PRDM16: variants seen among roughly 807,000 people sequenced by gnomAD.
PRDM16 encodes the protein histone-lysine N-methyltransferase PRDM16.
Under a neutral mutation model 110.6 loss-of-function variants are expected in PRDM16, and 23 were observed. The observed-to-expected ratio is 0.21, with a 90% confidence interval of 0.15 to 0.29. The LOEUF is 0.29. PRDM16 is among the 10% of genes least tolerant of loss of function. The probability of loss-of-function intolerance (pLI) is 1.00; values close to 1 mark genes in which losing one functional copy is unlikely to be tolerated. For synonymous variants in PRDM16, 799 were observed against 781.8 expected (o/e 1.02, Z -0.37); for missense variants, 1,615 against 1,794.3 (o/e 0.90, Z 1.81).
At chr1:3,286,396 A>G (rs750318661) in intron 3 of PRDM16, among the ~76,000 whole-genome samples, 6 of 152,126 alleles carry the variant, frequency 3.9e-5, no homozygotes, top group Admixed American at 1.3e-4. Flanking sequence ...GGTGGGTGAC[A>G]TGCAAGCATT....
intron 1 of PRDM16, among the ~76,000 whole-genome samples, chr1:3,079,404 C>CTTTGGGG (rs5772093): frequency 3.3e-5 from 5 of 151,606 alleles, no homozygotes; most frequent in South Asian, 2.1e-4. Flanking sequence ...CACAGGGATC[C>CTTTGGGG]TGCGGTTGCA....
chr1:3,367,892 A>T (rs1251466043), intron 3 of PRDM16, among the ~76,000 whole-genome samples: 1 of 152,216 alleles, frequency 6.6e-6, no homozygotes, highest in Non-Finnish European at 1.5e-5. Context: ...AATCAAACTA[A>T]CTCTTTGTAC....
At chr1:3,347,243 G>C (rs529306691) in intron 3 of PRDM16, among the ~76,000 whole-genome samples, 33 of 152,350 alleles carry the variant, frequency 2.2e-4, no homozygotes, top group African/African-American at 7.9e-4. Flanking sequence ...AGGCAGAGGG[G>C]CTCCATCCAG....
chr1:3,415,715 A>G (rs1474826576), intron 10 of PRDM16, among the ~76,000 whole-genome samples: 1 of 152,198 alleles, frequency 6.6e-6, no homozygotes, highest in South Asian at 2.1e-4. Flanking sequence ...GGCAGTTTCC[A>G]TTGTCCCTCC....
chr1:3,203,540 C>G (rs1638680346), intron 2 of PRDM16, among the ~76,000 whole-genome samples: 1 of 151,528 alleles, frequency 6.6e-6, no homozygotes, highest in Non-Finnish European at 1.5e-5. Context: ...TGGCCTCACT[C>G]CCGCAGAAGC....
intron 1 of PRDM16, among the ~76,000 whole-genome samples, chr1:3,122,122 C>T (rs984193956): frequency 2.6e-5 from 4 of 152,192 alleles, no homozygotes; most frequent in Admixed American, 2.6e-4. Flanking sequence ...CACGTCCAGC[C>T]ATGGCCTGGA....
At chr1:3,218,516 G>A (rs193154151) in intron 2 of PRDM16, among the ~76,000 whole-genome samples, 51 of 152,330 alleles carry the variant, frequency 3.3e-4, no homozygotes, top group Admixed American at 2.7e-3. Flanking sequence ...AGATGTGCCC[G>A]CCCGCACAGG....
intron 1 of PRDM16, among the ~76,000 whole-genome samples, chr1:3,134,646 A>T (rs1421469765): frequency 6.6e-6 from 1 of 152,286 alleles, no homozygotes; most frequent in South Asian, 2.1e-4. Flanking sequence ...TGGCGGCTTG[A>T]AGGACCTTGA....
chr1:3,262,666 A>G lies in PRDM16; in HGVS notation c.438+18529A>G, dbSNP rs114567468. 2.8e-3 allele frequency among the ~76,000 whole-genome samples: 428 copies of G among 152,334 alleles called. 3 individuals are homozygous for G. The highest frequency in any genetic ancestry group is 9.8e-3 in the African/African-American group (406 of 41,578). On this transcript the variant is annotated intron_variant, in intron 3 of 16. Transcript: ENST00000270722. ...GCAGCTTGAAAAGAACCCACAGAGA[A>G]AAATCCCACAGGACACACATGTGCT...
At chr1:3,087,668 A>G (rs2981882) in intron 1 of PRDM16, among the ~76,000 whole-genome samples, 43,831 of 152,080 alleles carry the variant, frequency 0.29, 6,616 homozygotes, top group Middle Eastern at 0.35. Context: ...AAGGAATGCC[A>G]TGTCCAGATG....
chr1:3,096,102 G>A (rs1254266534), intron 1 of PRDM16, among the ~76,000 whole-genome samples: 1 of 152,058 alleles, frequency 6.6e-6, no homozygotes, highest in Non-Finnish European at 1.5e-5. Flanking sequence ...TGTCTATTTG[G>A]GGTGCAGGGT....
At position 3,288,360 on chromosome 1, in the gene PRDM16, C is replaced by A. The variant is rs558818417; in HGVS notation, c.438+44223C>A. Among the ~76,000 whole-genome samples the A allele has an allele frequency of 2.0e-5, 3 of 152,332 alleles. No homozygotes were observed. The South Asian group carries it at 6.2e-4, about 32-fold the overall frequency. On this transcript the variant is annotated intron_variant, in intron 3 of 16. Coordinates refer to ENST00000270722, the MANE Select transcript of PRDM16 (RefSeq NM_022114.4). Reference sequence around the variant, plus strand: ...CAGCTGGGACCCTTCCCACTCCCCGCTCTGTCTCTCTCCACCTCAGTTTCC... The same window carrying A: ...CAGCTGGGACCCTTCCCACTCCCCGATCTGTCTCTCTCCACCTCAGTTTCC...
chr1:3,257,174 G>A lies in PRDM16; in HGVS notation c.438+13037G>A, dbSNP rs575878668. ...TGGCAGGCCGCGGAGGGCTCTTCGA[G>A]TTGGTTGGATTCTAAAATCCTTGTG... On this transcript the variant is annotated intron_variant, in intron 3 of 16. Coordinates refer to ENST00000270722, the MANE Select transcript of PRDM16 (RefSeq NM_022114.4). Among the ~76,000 whole-genome samples the A allele has an allele frequency of 2.4e-4, 37 of 152,358 alleles. No homozygotes were observed. The South Asian group carries it at 5.4e-3, about 22-fold the overall frequency.
At chr1:3,338,126 C>G (rs564565560) in intron 3 of PRDM16, among the ~76,000 whole-genome samples, 27 of 152,380 alleles carry the variant, frequency 1.8e-4, no homozygotes, top group African/African-American at 6.0e-4. Context: ...GCTCTAGCCT[C>G]AGCTGTCATT....
At chr1:3,404,959 C>T (rs1250077536) in intron 7 of PRDM16, 73 bp downstream of exon 7, 19 of 1,502,640 alleles carry the variant, frequency 1.3e-5, no homozygotes, top group Non-Finnish European at 1.7e-5. Flanking sequence ...CCCCCGTGCT[C>T]CCTACACCCC....
rs578134915 is a variant in PRDM16 at position 3,201,989 on chromosome 1, A to G, written c.387+15515A>G. Among the ~76,000 whole-genome samples, 1 of 152,292 alleles carries G rather than the reference A, an allele frequency of 6.6e-6. No individual in the cohort carries two copies. ...GCCCGTACATAATAGTGGGTCCCAC[A>G]CGTCCATGAGGCAGGGGACGCCCTC... On this transcript the variant is annotated intron_variant, in intron 2 of 16. Transcript: ENST00000270722. This position sits in a 1 kb window ranked among gnomAD's most constrained non-coding sequence, Gnocchi z 4.1.
At chr1:3,274,277 G>A (rs1187323392) in intron 3 of PRDM16, among the ~76,000 whole-genome samples, 1 of 152,172 alleles carries the variant, frequency 6.6e-6, no homozygotes, top group Admixed American at 6.5e-5. Flanking sequence ...GACTTAGGCC[G>A]AGCAGTGGGG....
At position 3,416,965 on chromosome 1, in the gene PRDM16, G is replaced by A. The variant is rs1305580039; in HGVS notation, c.2692-863G>A. 3.9e-5 allele frequency among the ~76,000 whole-genome samples: 6 copies of A among 152,212 alleles called. No homozygotes were observed. In the East Asian group the frequency reaches 1.2e-3, roughly 29 times the overall value. On this transcript the variant is annotated intron_variant, in intron 10 of 16. Transcript: ENST00000270722. The stretch of plus-strand genomic sequence containing the variant: ...TCAGCTCCAAATCTTCAAAGAGAAG[G>A]GGAGCTGGGAGAGGCAGGGCTGACA...
chr1:3,082,340 C>T (rs1021536562), intron 1 of PRDM16, among the ~76,000 whole-genome samples: 6 of 152,320 alleles, frequency 3.9e-5, no homozygotes, highest in African/African-American at 2.4e-5. Context: ...TCGGGGTCTG[C>T]CTGGCCAATG....
Sources: allele counts gnomAD v4.1 joint callset (sites outside exome capture counted in the v4.1 genomes callset), GRCh38; gene constraint gnomAD v4.1.1; non-coding constraint Gnocchi (gnomAD v3.1); transcripts MANE v1.5; gene names NCBI Gene and HGNC (gene_info 2026-07-23, HGNC 2026-07-21).